The following TTBK2 variants were observed in gnomAD, a reference collection of about 807,000 sequenced individuals.
TTBK2 encodes the protein tau-tubulin kinase 2.
A neutral mutation model predicts 110.8 loss-of-function variants in TTBK2; 28 were observed. The observed-to-expected ratio is 0.25, with a 90% confidence interval of 0.19 to 0.35. The LOEUF (loss-of-function observed/expected upper bound fraction) is 0.35, where lower values mean the gene tolerates loss of function less well. Among genes scored for constraint, TTBK2 ranks in the 10% least tolerant of loss-of-function variants. TTBK2 has a pLI of 1.00. For missense variants in TTBK2, 1,369 were observed against 1,500.3 expected, an observed-to-expected ratio of 0.91 and a Z score of 1.45; for synonymous variants, 532 against 527.3, an observed-to-expected ratio of 1.01 and a Z score of -0.12.
In TTBK2 at chr15:42,829,788, T is replaced by C. The variant is rs553989835; in HGVS notation, c.432+150A>G. ...TAAAAAAATTAACAGGTAAGTTATA[T>C]TTTTGCTTCCAGGTCTCTATTGGAA... On this transcript the variant is annotated intron_variant, in intron 5 of 14. Coordinates refer to ENST00000267890, the MANE Select transcript of TTBK2 (RefSeq NM_173500.4). 1.2e-5 allele frequency: 12 copies of C among 1,030,218 alleles called. 1 individual carries two copies. In the South Asian group the frequency reaches 1.8e-4, roughly 16 times the overall value. 63.8% of individuals were successfully genotyped at this position (1,030,218 alleles called of 1,614,324 possible). A position where few individuals can be genotyped will look rare whatever the true frequency, so the allele number is the denominator to read the frequency against.
At chr15:42,824,846 A>C (rs1298078245) in intron 6 of TTBK2, among the ~76,000 whole-genome samples, 1 of 152,084 alleles carries the variant, frequency 6.6e-6, no homozygotes, top group Non-Finnish European at 1.5e-5. Flanking sequence ...ACAAACTTGC[A>C]CAGGTGCCCC....
chr15:42,858,048 G>A (rs1439396076), intron 3 of TTBK2, among the ~76,000 whole-genome samples: 6 of 151,624 alleles, frequency 4.0e-5, no homozygotes, highest in Admixed American at 3.3e-4. Flanking sequence ...ACAGTCCAGC[G>A]ACAGAGCAAG....
At chr15:42,847,663 C>T (rs1293404258) in intron 3 of TTBK2, among the ~76,000 whole-genome samples, 1 of 152,176 alleles carries the variant, frequency 6.6e-6, no homozygotes, top group Non-Finnish European at 1.5e-5. Flanking sequence ...GTTCCAACAC[C>T]AAGACTGTTC....
intron 3 of TTBK2, among the ~76,000 whole-genome samples, chr15:42,849,537 T>G (rs1052699363): frequency 6.6e-6 from 1 of 152,212 alleles, no homozygotes; most frequent in Admixed American, 6.5e-5. Context: ...TCTGGACATT[T>G]TGAATATTAT....
At chr15:42,888,169 A>G (rs891413450) in intron 1 of TTBK2, among the ~76,000 whole-genome samples, 1 of 152,050 alleles carries the variant, frequency 6.6e-6, no homozygotes, top group African/African-American at 2.4e-5. Flanking sequence ...TCAAAATCAC[A>G]AACTATGCTC....
chr15:42,901,169 C>G (rs1015699141), intron 1 of TTBK2, among the ~76,000 whole-genome samples: 1 of 151,494 alleles, frequency 6.6e-6, no homozygotes, highest in African/African-American at 2.4e-5. Context: ...AAGACCAGCC[C>G]GGCCAACATG....
At chr15:42,778,459 T>C (rs938868729) in intron 11 of TTBK2, among the ~76,000 whole-genome samples, 2 of 151,370 alleles carry the variant, frequency 1.3e-5, no homozygotes, top group Non-Finnish European at 2.9e-5. Context: ...AGGTCAGGAG[T>C]TGGAGACTAG....
intron 4 of TTBK2, among the ~76,000 whole-genome samples, chr15:42,830,281 G>A (rs1029371913): frequency 2.0e-5 from 3 of 151,722 alleles, no homozygotes; most frequent in Admixed American, 6.6e-5. Flanking sequence ...TCCACCTCCC[G>A]GGTTCAAGCG....
chr15:42,798,603 C>T (rs1891045806), intron 9 of TTBK2, among the ~76,000 whole-genome samples: 1 of 152,112 alleles, frequency 6.6e-6, no homozygotes, highest in South Asian at 2.1e-4. Context: ...ACAATGAACA[C>T]AAAGAAGTTG....
In TTBK2 at chr15:42,752,148, C is replaced by A; in HGVS notation, c.3098G>T (p.Ser1033Ile). 4 of 1,614,192 alleles carry A rather than the reference C, an allele frequency of 2.5e-6. No individual in the cohort carries two copies. Among genetic ancestry groups the A allele is most frequent in the South Asian group, 1.1e-5 (1 of 91,080 alleles). ...FSRLTVDSHL[S>I]RSAEDSFLSP... ...CAGAAAGCTATCTTCAGCTGACCTA[C>A]TCAGGTGAGAATCTACTGTCAGTCT... Residue 1033 changes from serine to isoleucine, a missense_variant, in exon 14 of 15, where the codon AGT becomes ATT. Ser to Ile is a moderately radical substitution (Grantham distance 142, BLOSUM62 -2). Around this residue, in one of 4 missense-constraint regions of TTBK2, gnomAD observed 1,097 missense variants for 1,114.7 expected, o/e 0.98. Coordinates refer to ENST00000267890, the MANE Select transcript of TTBK2 (RefSeq NM_173500.4).
rs549708659 is a variant in TTBK2, at chr15:42,805,417, A to G, written c.822+5197T>C. On this transcript the variant is annotated intron_variant, in intron 9 of 14. Transcript: ENST00000267890. ...CAGAGGAGGCTGCGGAGAAACTGAC[A>G]TCTGAGTTGGGCTTTCAATTTCACA... 8.5e-5 allele frequency among the ~76,000 whole-genome samples: 13 copies of G among 152,286 alleles called. No homozygotes were observed. In the South Asian group the frequency reaches 2.7e-3, roughly 32 times the overall value.
chr15:42,834,196 A>AGGGGGGG (rs144301772), intron 4 of TTBK2, among the ~76,000 whole-genome samples: 1 of 124,284 alleles, frequency 8.0e-6, no homozygotes, highest in African/African-American at 3.4e-5. Flanking sequence ...AAAAAAAAAA[A>AGGGGGGG]GGGGGGGGGT....
intron 3 of TTBK2, among the ~76,000 whole-genome samples, chr15:42,856,535 C>T (rs1488733306): frequency 2.6e-5 from 4 of 152,030 alleles, no homozygotes; most frequent in Non-Finnish European, 5.9e-5. Flanking sequence ...AAATTAAATA[C>T]TGGATAGATA....
chr15:42,855,859 G>T (rs1410239732), intron 3 of TTBK2, among the ~76,000 whole-genome samples: 2 of 152,008 alleles, frequency 1.3e-5, no homozygotes, highest in African/African-American at 4.8e-5. Context: ...TAATTTTTTT[G>T]TATTAGTAGA....
intron 6 of TTBK2, among the ~76,000 whole-genome samples, chr15:42,822,135 T>C (rs529249678): frequency 9.8e-5 from 15 of 152,342 alleles, no homozygotes; most frequent in African/African-American, 3.6e-4. Context: ...TTTCTTTTTA[T>C]TGAGTTGTAT....
At chr15:42,870,601 GTCTGTAA>G (rs1894576584) in intron 3 of TTBK2, among the ~76,000 whole-genome samples, 2 of 152,052 alleles carry the variant, frequency 1.3e-5, no homozygotes, top group South Asian at 4.2e-4. Context: ...AGTGGCTCAT[GTCTGTAA>G]TCCCAGTACT....
chr15:42,846,231 C>T (rs537510266), intron 3 of TTBK2, among the ~76,000 whole-genome samples: 2 of 150,992 alleles, frequency 1.3e-5, no homozygotes, highest in South Asian at 4.2e-4. Context: ...GCTCTGTCAC[C>T]CAGGCTGGAG....
intron 3 of TTBK2, 129 bp downstream of exon 3, chr15:42,872,482 G>A (rs914443003): frequency 9.4e-6 from 10 of 1,063,028 alleles, no homozygotes; most frequent in African/African-American, 3.2e-5. Flanking sequence ...AATGCTCAGC[G>A]TATTTATACC....
At chr15:42,753,307 G>A in intron 13 of TTBK2, 60 bp from the exon 14 acceptor site, 1 of 1,505,296 alleles carries the variant, frequency 6.6e-7, no homozygotes, top group Admixed American at 1.9e-5. Context: ...AAAGATGCAT[G>A]CTTTGAGATT....
Sources: gnomAD v4.1 joint callset for allele counts (sites outside exome capture counted in the v4.1 genomes callset) on GRCh38, gnomAD v4.1.1 for gene constraint, gnomAD v4.1.1 regional missense constraint, MANE v1.5 for transcripts, NCBI Gene and HGNC (gene_info 2026-07-23, HGNC 2026-07-21) for gene names.